Variants in ACSBG1 observed in about 807,000 individuals in gnomAD.
ACSBG1 encodes the protein long-chain-fatty-acid--CoA ligase ACSBG1.
ACSBG1 carries 39 observed loss-of-function variants against 80.2 expected under a neutral mutation model. The ratio of observed to expected loss-of-function variants is 0.49; its 90% CI spans 0.38 to 0.64. ACSBG1 has a LOEUF of 0.64. Ranked by LOEUF, ACSBG1 falls within the 30% of genes least tolerant of loss-of-function variation. The probability of loss-of-function intolerance (pLI) is 0.00; values close to 1 mark genes in which losing one functional copy is unlikely to be tolerated. For synonymous variants in ACSBG1, 392 were observed against 379.5 expected (o/e 1.03, Z -0.38); for missense variants, 828 against 966.4 (o/e 0.86, Z 1.90).
rs920347244 is a variant in ACSBG1 at position 78,193,569 on chromosome 15, A to T, written c.600T>A (p.Ala200=). Reference sequence around the variant, plus strand: ...TGATGACATTGGCGCAGCAGTCATAAGCGATGTACTGGCAGGCCTCTGGGG... The same window carrying T: ...TGATGACATTGGCGCAGCAGTCATATGCGATGTACTGGCAGGCCTCTGGGG... ...TSSPEACQYI[A]YDCCANVIMV... Residue 200 remains alanine, a synonymous_variant, in exon 5 of 14, where the codon GCT becomes GCA. Transcript: ENST00000258873. 1.9e-6 allele frequency: 3 copies of T among 1,613,774 alleles called. No individual in the cohort carries two copies. Among genetic ancestry groups the T allele is most frequent in the East Asian group, 2.2e-5 (1 of 44,888 alleles).
rs1182931045 is a variant in ACSBG1 at position 78,168,535 on chromosome 15, G to A, written c.*2909C>T. The A allele has an allele frequency of 6.5e-6, 1 of 155,008 alleles. No individual in the cohort carries two copies. The highest frequency in any genetic ancestry group is 1.4e-5 in the Non-Finnish European group (1 of 70,116). The allele number at this position is 155,008 out of a possible 1,614,324, so 9.6% of individuals were successfully genotyped here. A position where few individuals can be genotyped will look rare whatever the true frequency, so the allele number is the denominator to read the frequency against. On this transcript the variant is annotated 3_prime_UTR_variant, in exon 14 of 14. Coordinates refer to ENST00000258873, the MANE Select transcript of ACSBG1 (RefSeq NM_015162.5). ...CAAAAATAGATCAAAATATGTCTCAGGTCTATTCCTGAGACATATTTCCCA... is the reference window on the plus strand; with the variant it reads ...CAAAAATAGATCAAAATATGTCTCAAGTCTATTCCTGAGACATATTTCCCA...
At chr15:78,211,673 G>A (rs1326440043) in intron 1 of ACSBG1, among the ~76,000 whole-genome samples, 1 of 152,184 alleles carries the variant, frequency 6.6e-6, no homozygotes, top group Non-Finnish European at 1.5e-5. Flanking sequence ...GGGGGGCAGA[G>A]GAGCCTGGGA....
In ACSBG1 at chr15:78,171,543, G is replaced by A. The variant is rs373292255; in HGVS notation, c.2090-14C>T. On this transcript the variant is annotated splice_polypyrimidine_tract_variant and intron_variant, in intron 13 of 13. Transcript: ENST00000258873. ...TCATCGTGGGACCTAAAAGGGAAAT[G>A]AGAAGAAATGAGTGAGGCCCAGGCT... The A allele has an allele frequency of 6.2e-7, 1 of 1,608,388 alleles. No individual in the cohort carries two copies. Among genetic ancestry groups the A allele is most frequent in the Non-Finnish European group, 8.5e-7 (1 of 1,174,790 alleles).
rs2074898539 is a variant in ACSBG1 at position 78,177,885 on chromosome 15, T to A, written c.1702+729A>T. 1.3e-5 allele frequency among the ~76,000 whole-genome samples: 2 copies of A among 152,176 alleles called. No individual in the cohort carries two copies. Among genetic ancestry groups the A allele is most frequent in the Non-Finnish European group, 2.9e-5 (2 of 68,024 alleles). On this transcript the variant is annotated intron_variant, in intron 11 of 13. Transcript: ENST00000258873. This position sits in a 1 kb window ranked among gnomAD's most constrained non-coding sequence, Gnocchi z 4.1. ...GGCAGAACATTCTTCCACAGAGGCA[T>A]CCCCAACTATTTCTGTCTCTGTGGG...
In ACSBG1 at chr15:78,178,597, T is replaced by C. The variant is rs1254032672; in HGVS notation, c.1702+17A>G. ...GATTACAGGCATGAGCCACCGTGCC[T>C]GGCCTGGGGTGCTCACCTTTGAGGC... On this transcript the variant is annotated intron_variant, in intron 11 of 13. Coordinates refer to ENST00000258873, the MANE Select transcript of ACSBG1 (RefSeq NM_015162.5). The surrounding 1 kb of genome is among the most constrained non-coding windows in gnomAD (Gnocchi z 4.3). 1.3e-6 allele frequency: 2 copies of C among 1,592,272 alleles called. No individual in the cohort carries two copies. Among genetic ancestry groups the C allele is most frequent in the African/African-American group, 1.3e-5 (1 of 74,618 alleles).
intron 7 of ACSBG1, 40 bp from the exon 8 acceptor site, chr15:78,182,185 C>A (rs754948921): frequency 6.3e-7 from 1 of 1,589,460 alleles, no homozygotes; most frequent in Non-Finnish European, 8.5e-7. Flanking sequence ...TGTCCACAAG[C>A]CAGCCCTGGC....
chr15:78,192,825 G>A (rs2075068184), intron 5 of ACSBG1, among the ~76,000 whole-genome samples: 1 of 152,176 alleles, frequency 6.6e-6, no homozygotes, highest in Non-Finnish European at 1.5e-5. Context: ...CAACAAGTCA[G>A]TCTCTGAGGA....
chr15:78,171,502 G>A lies in ACSBG1; in HGVS notation c.2117C>T (p.Thr706Ile), dbSNP rs1037669159. 4 of 1,614,174 alleles carry A rather than the reference G, an allele frequency of 2.5e-6. No individual in the cohort carries two copies. Among genetic ancestry groups the A allele is most frequent in the Non-Finnish European group, 8.5e-7 (1 of 1,180,012 alleles). Residue 706 changes from threonine (T) to isoleucine (I), a missense_variant, in exon 14 of 14, where the codon ACA becomes ATA. Coordinates refer to ENST00000258873, the MANE Select transcript of ACSBG1 (RefSeq NM_015162.5). The part of the protein sequence containing the change: ...LGPTMKLKRL[T>I]VLEKYKGIID... ...GATACCTTTGTACTTCTCCAAAACT[G>A]TGAGCCGTTTCAGTTTCATCGTGGG...
chr15:78,187,331 A>C (rs2075014118), intron 5 of ACSBG1, among the ~76,000 whole-genome samples: 2 of 152,236 alleles, frequency 1.3e-5, no homozygotes, highest in African/African-American at 2.4e-5. Flanking sequence ...TTATGAGGCC[A>C]GCATCATCCT....
In ACSBG1 at chr15:78,170,566, T is replaced by C. The variant is rs192351606; in HGVS notation, c.*878A>G. Reference sequence around the variant, plus strand: ...GAGATGTTTGCTTTCTCTACCTGTTTCCTGTTCAGATGCCTTCGGTCATTT... The same window carrying C: ...GAGATGTTTGCTTTCTCTACCTGTTCCCTGTTCAGATGCCTTCGGTCATTT... On this transcript the variant is annotated 3_prime_UTR_variant, in exon 14 of 14. Transcript: ENST00000258873. The C allele has an allele frequency of 2.6e-5, 4 of 152,418 alleles. No homozygotes were observed. Among genetic ancestry groups the C allele is most frequent in the Non-Finnish European group, 4.4e-5 (3 of 68,028 alleles). The allele number at this position is 152,418 out of a possible 1,614,324, so 9.4% of individuals were successfully genotyped here.
intron 2 of ACSBG1, among the ~76,000 whole-genome samples, chr15:78,206,633 C>T (rs188802706): frequency 5.8e-4 from 89 of 152,272 alleles, no homozygotes; most frequent in Non-Finnish European, 1.1e-3. Flanking sequence ...TTCTCCCTGT[C>T]CCTCATCTGG....
At chr15:78,202,474 G>T (rs536458185) in intron 2 of ACSBG1, among the ~76,000 whole-genome samples, 1 of 152,228 alleles carries the variant, frequency 6.6e-6, no homozygotes, top group African/African-American at 2.4e-5. Context: ...CTCCCAAAGT[G>T]GTAGGATTAC....
chr15:78,182,933 T>C, intron 5 of ACSBG1, 148 bp from the exon 6 acceptor site: 2 of 775,604 alleles, frequency 2.6e-6, no homozygotes, highest in Non-Finnish European at 4.2e-6. Flanking sequence ...ACTGCCACCC[T>C]TCACCCATAG....
At chr15:78,226,046 T>C (rs1452986035) in intron 1 of ACSBG1, among the ~76,000 whole-genome samples, 1 of 152,188 alleles carries the variant, frequency 6.6e-6, no homozygotes. Flanking sequence ...TGTCTTAGTG[T>C]GAGCAAGAAA....
intron 9 of ACSBG1, 38 bp from the exon 10 acceptor site, chr15:78,179,818 C>CAT: frequency 1.6e-6 from 1 of 632,722 alleles, no homozygotes; most frequent in South Asian, 2.9e-5. Context: ...GAAGAAATCA[C>CAT]ACACACACAC....
chr15:78,174,257 G>T, intron 12 of ACSBG1, 128 bp downstream of exon 12: 1 of 1,331,286 alleles, frequency 7.5e-7, no homozygotes, highest in Non-Finnish European at 1.0e-6. Flanking sequence ...AGGCAGCACG[G>T]ACTTGAGTCA....
intron 5 of ACSBG1, 37 bp downstream of exon 5, chr15:78,193,469 A>C: frequency 6.3e-7 from 1 of 1,580,792 alleles, no homozygotes; most frequent in Non-Finnish European, 8.6e-7. Context: ...GGGGATACCC[A>C]GCATCTGACC....
intron 2 of ACSBG1, among the ~76,000 whole-genome samples, chr15:78,204,397 A>G (rs2075195392): frequency 6.6e-6 from 1 of 152,130 alleles, no homozygotes. Flanking sequence ...TCCACTGGAG[A>G]GAAGCCGGGT....
At chr15:78,198,885 C>T (rs897117390) in intron 2 of ACSBG1, among the ~76,000 whole-genome samples, 7 of 152,066 alleles carry the variant, frequency 4.6e-5, no homozygotes, top group African/African-American at 1.2e-4. Context: ...TGGGACCAGG[C>T]GGGTAGTGTA....
Sources: gnomAD v4.1 joint callset for allele counts (sites outside exome capture counted in the v4.1 genomes callset) on GRCh38, gnomAD v4.1.1 for gene constraint, Gnocchi (gnomAD v3.1) non-coding constraint, MANE v1.5 for transcripts, NCBI Gene and HGNC (gene_info 2026-07-23, HGNC 2026-07-21) for gene names.